THBS2: variants seen among roughly 807,000 people sequenced by gnomAD.
THBS2 encodes the protein thrombospondin 2.
Under a neutral mutation model 135.2 loss-of-function variants are expected in THBS2, and 47 were observed. The ratio of observed to expected loss-of-function variants is 0.35; its 90% CI spans 0.28 to 0.44. The LOEUF is 0.44. THBS2 is among the 20% of genes least tolerant of loss of function. The probability of loss-of-function intolerance (pLI) is 1.00; values close to 1 mark genes in which losing one functional copy is unlikely to be tolerated. For missense variants in THBS2, 1,288 were observed against 1,603.1 expected (o/e 0.80, Z 3.36); for synonymous variants, 639 against 633.8 (o/e 1.01, Z -0.12).
rs888300827 is a variant in THBS2, at chr6:169,239,389, C to T, written c.1129+210G>A. The stretch of plus-strand genomic sequence containing the variant: ...AGCATCAGGACTGGCCTTCCCACCC[C>T]CGCGTTCCCAGGGCTTCCACACTCC... On this transcript the variant is annotated intron_variant, in intron 7 of 21. Coordinates refer to ENST00000617924, the MANE Select transcript of THBS2 (RefSeq NM_003247.5). 3 of 578,720 alleles carry T rather than the reference C, an allele frequency of 5.2e-6. No homozygotes were observed. In the African/African-American group the frequency reaches 5.6e-5, roughly 11 times the overall value. The allele number at this position is 578,720 out of a possible 1,614,324, so 35.8% of individuals were successfully genotyped here. A position where few individuals can be genotyped will look rare whatever the true frequency, so the allele number is the denominator to read the frequency against.
intron 15 of THBS2, among the ~76,000 whole-genome samples, chr6:169,226,834 T>G (rs1249505903): frequency 6.6e-6 from 1 of 152,132 alleles, no homozygotes; most frequent in Non-Finnish European, 1.5e-5. Flanking sequence ...GTGTCACAAA[T>G]GACAGAGCAA....
chr6:169,241,688 A>C lies in THBS2; in HGVS notation c.891+74T>G. 1 of 1,458,592 alleles carries C rather than the reference A, an allele frequency of 6.9e-7. No homozygotes were observed. The highest frequency in any genetic ancestry group is 9.3e-7 in the Non-Finnish European group (1 of 1,072,304). 90.4% of individuals were successfully genotyped at this position (1,458,592 alleles called of 1,614,324 possible). On this transcript the variant is annotated intron_variant, in intron 5 of 21. Coordinates refer to ENST00000617924, the MANE Select transcript of THBS2 (RefSeq NM_003247.5). The surrounding 1 kb of genome is among the most constrained non-coding windows in gnomAD (Gnocchi z 5.5). ...GGCACTGCCAAGCCAGGGAATGTTG[A>C]TACCTGCTGAGATGGGCCAGCGGCG...
In THBS2 at chr6:169,242,431, TC is replaced by T. The variant is rs905599072; in HGVS notation, c.695-474del. On this transcript the variant is annotated intron_variant, in intron 4 of 21. Coordinates refer to ENST00000617924, the MANE Select transcript of THBS2 (RefSeq NM_003247.5). ...CTCTCGACTCTTCATCCTTTTTTTT[TC>T]ATCCCCAAACACCCTTTCTTATGGC... Among the ~76,000 whole-genome samples the T allele has an allele frequency of 2.2e-4, 33 of 151,964 alleles. 1 individual carries two copies. The highest frequency in any genetic ancestry group is 1.9e-3 in the Admixed American group (29 of 15,258).
chr6:169,243,942 A>T (rs1281792594), intron 4 of THBS2, among the ~76,000 whole-genome samples: 1 of 152,216 alleles, frequency 6.6e-6, no homozygotes, highest in Non-Finnish European at 1.5e-5. Context: ...CCAATCCATG[A>T]ACTAGCTGTT....
intron 1 of THBS2, among the ~76,000 whole-genome samples, chr6:169,251,806 A>AC (rs1780762153): frequency 8.4e-5 from 10 of 119,732 alleles, no homozygotes; most frequent in African/African-American, 1.3e-4. Context: ...GCACCTGCAG[A>AC]CCCCCCACCC....
Position 169,249,469 on chromosome 6 carries a change from G to T in THBS2, c.53-496C>A, listed in dbSNP as rs148705056. On this transcript the variant is annotated intron_variant, in intron 2 of 21. Transcript: ENST00000617924. ...AAAACCAAATAAATGAATAAACTGG[G>T]AAAGACATGGATCTTTAGCCTTGCT... 6.6e-5 allele frequency among the ~76,000 whole-genome samples: 10 copies of T among 152,314 alleles called. No homozygotes were observed. The East Asian group carries it at 1.9e-3, about 29-fold the overall frequency.
At chr6:169,225,061 G>T in intron 17 of THBS2, 84 bp downstream of exon 17, 1 of 1,314,406 alleles carries the variant, frequency 7.6e-7, no homozygotes, top group Non-Finnish European at 1.1e-6. Context: ...GATTTAAGAT[G>T]ATCTCCGTGC....
At chr6:169,245,366 A>T (rs1780505154) in intron 4 of THBS2, among the ~76,000 whole-genome samples, 1 of 152,260 alleles carries the variant, frequency 6.6e-6, no homozygotes, top group African/African-American at 2.4e-5. Context: ...TAAATGCTCA[A>T]GAAAATATTG....
In THBS2 at chr6:169,232,079, G is replaced by A. The variant is rs776371244; in HGVS notation, c.2052C>T (p.Tyr684=). 27 of 1,613,982 alleles carry A rather than the reference G, an allele frequency of 1.7e-5. No individual in the cohort carries two copies. The highest frequency in any genetic ancestry group is 1.4e-4 in the South Asian group (13 of 91,080). ...PMYKCECQTG[Y]AGDGLICGED... is the part of the protein sequence containing the mutation. The stretch of plus-strand genomic sequence containing the variant: ...CCCCGCAGATGAGCCCGTCGCCCGC[G>A]TAGCCTGTCTGGCACTCGCACTTGT... Residue 684 remains tyrosine, a synonymous_variant, in exon 13 of 22, where the codon TAC becomes TAT. Transcript: ENST00000617924.
chr6:169,220,565 A>G (rs1415188526), intron 20 of THBS2, among the ~76,000 whole-genome samples: 4 of 152,128 alleles, frequency 2.6e-5, no homozygotes, highest in South Asian at 2.1e-4. Flanking sequence ...TATTGTCACA[A>G]TCTGTGAGTT....
chr6:169,250,155 C>T (rs1383483075), intron 2 of THBS2, among the ~76,000 whole-genome samples: 1 of 152,200 alleles, frequency 6.6e-6, no homozygotes, highest in Non-Finnish European at 1.5e-5. Flanking sequence ...CAATGGACCA[C>T]TTTCCATAGA....
intron 2 of THBS2, among the ~76,000 whole-genome samples, chr6:169,249,368 C>A (rs1258934373): frequency 6.6e-6 from 1 of 152,186 alleles, no homozygotes; most frequent in East Asian, 1.9e-4. Flanking sequence ...TGTCCCAGGT[C>A]ACTCTGTCTG....
intron 17 of THBS2, among the ~76,000 whole-genome samples, chr6:169,224,654 C>A (rs1326389923): frequency 6.6e-6 from 1 of 152,196 alleles, no homozygotes; most frequent in Non-Finnish European, 1.5e-5. Context: ...GCAGCCCATC[C>A]AGCTCCTTCC....
At position 169,217,485 on chromosome 6, in the gene THBS2, A is replaced by ATAAG. The variant is rs1221158269; in HGVS notation, c.*333_*336dup. 5 of 333,574 alleles carry ATAAG rather than the reference A, an allele frequency of 1.5e-5. No homozygotes were observed. The East Asian group carries it at 2.4e-4, about 16-fold the overall frequency. The allele number at this position is 333,574 out of a possible 1,614,324, so 20.7% of individuals were successfully genotyped here. A position where few individuals can be genotyped will look rare whatever the true frequency, so the allele number is the denominator to read the frequency against. On this transcript the variant is annotated 3_prime_UTR_variant, in exon 22 of 22. Coordinates refer to ENST00000617924, the MANE Select transcript of THBS2 (RefSeq NM_003247.5). Reference sequence around the variant, plus strand: ...TCAACTCCATATACACATAAATACAATAAGTAATTACATTTTATATGTAAA... The same window carrying ATAAG: ...TCAACTCCATATACACATAAATACAATAAGTAAGTAATTACATTTTATATGTAAA...
rs1194646850 is a variant in THBS2, at chr6:169,216,552, G to C, written c.*1270C>G. The C allele has an allele frequency of 1.3e-5, 2 of 152,098 alleles. No homozygotes were observed. The highest frequency in any genetic ancestry group is 2.9e-5 in the Non-Finnish European group (2 of 68,032). 9.4% of individuals were successfully genotyped at this position (152,098 alleles called of 1,614,324 possible). A position where few individuals can be genotyped will look rare whatever the true frequency, so the allele number is the denominator to read the frequency against. ...AATTAAAAGAATTCCATATACAGCA[G>C]ATAGATAACAGTAACAAATATTGAA... On this transcript the variant is annotated 3_prime_UTR_variant, in exon 22 of 22. Transcript: ENST00000617924.
At chr6:169,236,237 C>A (rs527302955) in intron 9 of THBS2, among the ~76,000 whole-genome samples, 1 of 137,888 alleles carries the variant, frequency 7.3e-6, no homozygotes, top group Non-Finnish European at 1.6e-5. Context: ...CCCATCCACA[C>A]TCACTCCCCA....
chr6:169,236,323 AC>A (rs1780064764), intron 9 of THBS2, among the ~76,000 whole-genome samples: 9 of 26,470 alleles, frequency 3.4e-4, no homozygotes, highest in Non-Finnish European at 4.8e-4. Flanking sequence ...ATCCACACTC[AC>A]TCCCCCATCC....
chr6:169,218,594 G>T (rs1779279190), intron 21 of THBS2, among the ~76,000 whole-genome samples: 1 of 144,714 alleles, frequency 6.9e-6, no homozygotes, highest in Admixed American at 6.8e-5. Flanking sequence ...GAGATGGGTG[G>T]GTGTGTGGGT....
chr6:169,242,600 A>C (rs73043898), intron 4 of THBS2, among the ~76,000 whole-genome samples: 5,376 of 53,534 alleles, frequency 0.1, 319 homozygotes, highest in East Asian at 0.13. Flanking sequence ...ACCTTCCCAC[A>C]TTCCCACCTT....
Sources: gnomAD v4.1 joint callset for allele counts (sites outside exome capture counted in the v4.1 genomes callset) on GRCh38, gnomAD v4.1.1 for gene constraint, Gnocchi (gnomAD v3.1) non-coding constraint, MANE v1.5 for transcripts, NCBI Gene and HGNC (gene_info 2026-07-23, HGNC 2026-07-21) for gene names.